Variants in ZNF808 observed in about 807,000 individuals in gnomAD.
ZNF808 encodes zinc finger protein 808.
Under a neutral mutation model 8.7 loss-of-function variants are expected in ZNF808, and 5 were observed. The observed-to-expected ratio is 0.58, with a 90% CI of 0.30 to 1.21. The LOEUF is 1.21. Ranked by LOEUF, ZNF808 falls within the 50% of genes most tolerant of loss-of-function variation. ZNF808 has a pLI of 0.07. For missense variants in ZNF808, 1,103 were observed against 1,098.4 expected, an observed-to-expected ratio of 1.00 and a Z score of -0.06; for synonymous variants, 380 against 366.0, an observed-to-expected ratio of 1.04 and a Z score of -0.44.
chr19:52,544,536 C>T (rs1333798808), intron 3 of ZNF808, among the ~76,000 whole-genome samples: 1 of 151,946 alleles, frequency 6.6e-6, no homozygotes, highest in Admixed American at 6.6e-5. Context: ...TCATCATGTT[C>T]GTTATGCTGA....
In ZNF808 at chr19:52,553,438, T is replaced by G; in HGVS notation, c.522T>G (p.Gly174=). The G allele has an allele frequency of 2.5e-6, 4 of 1,614,170 alleles. No individual in the cohort carries two copies. Among genetic ancestry groups the G allele is most frequent in the Non-Finnish European group, 3.4e-6 (4 of 1,180,026 alleles). The change falls in exon 5 of 5, where the codon GGT becomes GGG. Residue 174 remains glycine, a synonymous_variant. Coordinates refer to ENST00000359798, the MANE Select transcript of ZNF808 (RefSeq NM_001039886.4). ...AACTCCACATATTTCAGATCAAAGG[T>G]GAAATTGCTAATCAACTTGAGAAGT... ...LPELHIFQIK[G]EIANQLEKST...
chr19:52,537,706 G>T (rs1426564953), intron 2 of ZNF808, among the ~76,000 whole-genome samples: 1 of 151,780 alleles, frequency 6.6e-6, no homozygotes, highest in African/African-American at 2.4e-5. Flanking sequence ...AAAAAAAAGG[G>T]TGGGGGACTT....
intron 2 of ZNF808, among the ~76,000 whole-genome samples, chr19:52,535,477 G>T (rs1430848552): frequency 6.6e-6 from 1 of 152,150 alleles, no homozygotes; most frequent in Non-Finnish European, 1.5e-5. Context: ...GCTGCTTCCT[G>T]AGTAGCTGGG....
chr19:52,563,033 C>A (rs1446574315), intron 3 of ZNF808, among the ~76,000 whole-genome samples: 1 of 152,122 alleles, frequency 6.6e-6, no homozygotes, highest in African/African-American at 2.4e-5. Flanking sequence ...CTCTGCCCCC[C>A]AAAGTGCTGG....
chr19:52,535,643 A>G (rs879351590), intron 2 of ZNF808, among the ~76,000 whole-genome samples: 74 of 152,226 alleles, frequency 4.9e-4, no homozygotes, highest in Non-Finnish European at 8.4e-4. Context: ...TCCCTCCTGA[A>G]TGAATGGAGA....
chr19:52,554,272 G>A lies in ZNF808; in HGVS notation c.1356G>A (p.Glu452=). Reference sequence around the variant, plus strand: ...GACATAAGAGAATTCATACTGGAGAGAAACCATACAAATGTAAGGTTTGTG... The same window carrying A: ...GACATAAGAGAATTCATACTGGAGAAAAACCATACAAATGTAAGGTTTGTG... ...LERHKRIHTG[E]KPYKCKVCDT... Residue 452 remains glutamate (E), a synonymous_variant, in exon 5 of 5, where the codon GAG becomes GAA. Transcript: ENST00000359798. 6.2e-7 allele frequency: 1 copy of A among 1,614,142 alleles called. No individual in the cohort carries two copies. The highest frequency in any genetic ancestry group is 8.5e-7 in the Non-Finnish European group (1 of 1,180,016).
chr19:52,559,616 C>T (rs549317785), downstream of ZNF808, among the ~76,000 whole-genome samples: 8 of 152,266 alleles, frequency 5.3e-5, no homozygotes, highest in African/African-American at 1.9e-4. Flanking sequence ...TCCGTTCCAC[C>T]TGACGAGAAA....
chr19:52,555,316 C>G lies in ZNF808; in HGVS notation c.2400C>G (p.Phe800Leu). ...SYKCTVCDKA[F>L]VRNSYLARHI... ...AATGTACGGTTTGTGACAAGGCTTTCGTGCGTAATTCATACCTGGCAAGAC... is the reference window on the plus strand; with the variant it reads ...AATGTACGGTTTGTGACAAGGCTTTGGTGCGTAATTCATACCTGGCAAGAC... The change falls in exon 5 of 5, where the codon TTC (phenylalanine) becomes TTG (leucine). Residue 800 changes from phenylalanine to leucine, a missense_variant. Coordinates refer to ENST00000359798, the MANE Select transcript of ZNF808 (RefSeq NM_001039886.4). The G allele has an allele frequency of 1.2e-6, 2 of 1,614,164 alleles. No individual in the cohort carries two copies. The highest frequency in any genetic ancestry group is 2.2e-5 in the South Asian group (2 of 91,086).
chr19:52,533,376 G>A (rs528925741), intron 2 of ZNF808, among the ~76,000 whole-genome samples: 138 of 151,954 alleles, frequency 9.1e-4, no homozygotes, highest in Non-Finnish European at 1.6e-3. Context: ...ACAGGCACCC[G>A]CTATAATGCC....
chr19:52,530,800 C>T (rs1177853196), intron 1 of ZNF808, among the ~76,000 whole-genome samples: 1 of 151,990 alleles, frequency 6.6e-6, no homozygotes, highest in Non-Finnish European at 1.5e-5. Context: ...TGGTGAAACC[C>T]CGTCTCTACC....
chr19:52,543,649 T>A (rs2059693956), intron 3 of ZNF808, among the ~76,000 whole-genome samples: 1 of 152,188 alleles, frequency 6.6e-6, no homozygotes, highest in African/African-American at 2.4e-5. Flanking sequence ...ATGTCAGAGC[T>A]GCTGGGCAGC....
intron 2 of ZNF808, among the ~76,000 whole-genome samples, chr19:52,541,499 G>A (rs1312935345): frequency 6.6e-6 from 1 of 151,916 alleles, no homozygotes; most frequent in African/African-American, 2.4e-5. Context: ...TTGGTGAAAT[G>A]TCTCCCACTG....
chr19:52,533,623 A>G (rs2059579105), intron 2 of ZNF808, among the ~76,000 whole-genome samples: 1 of 151,638 alleles, frequency 6.6e-6, no homozygotes, highest in Non-Finnish European at 1.5e-5. Context: ...TTGGGAGGCC[A>G]AGGCGGGTCA....
intron 4 of ZNF808, among the ~76,000 whole-genome samples, chr19:52,549,915 A>G (rs1234905874): frequency 6.6e-6 from 1 of 152,150 alleles, no homozygotes; most frequent in Non-Finnish European, 1.5e-5. Context: ...GCAGGGCATC[A>G]TGACTCAGCA....
At chr19:52,567,566 C>T (rs112668788), downstream of ZNF808, among the ~76,000 whole-genome samples, 90 of 149,210 alleles carry the variant, frequency 6.0e-4, no homozygotes, top group African/African-American at 2.2e-3. Context: ...CTCTAGTTCC[C>T]TGGGCTGGAG....
At chr19:52,568,381 A>G (rs1360100939), downstream of ZNF808, among the ~76,000 whole-genome samples, 1 of 152,164 alleles carries the variant, frequency 6.6e-6, no homozygotes, top group East Asian at 1.9e-4. Context: ...CCCAAAACAA[A>G]ACAAAACAAA....
chr19:52,531,974 TAGA>T (rs1310090844), intron 1 of ZNF808, among the ~76,000 whole-genome samples: 2 of 152,206 alleles, frequency 1.3e-5, no homozygotes, highest in Non-Finnish European at 2.9e-5. Flanking sequence ...TGGTGGTAAG[TAGA>T]AGTTGTGGCT....
chr19:52,548,438 T>G (rs1297631194), intron 4 of ZNF808, among the ~76,000 whole-genome samples: 1 of 152,216 alleles, frequency 6.6e-6, no homozygotes, highest in Non-Finnish European at 1.5e-5. Flanking sequence ...TGTTGTTGTT[T>G]TTTTCTCATA....
chr19:52,535,118 T>G (rs2059593012), intron 2 of ZNF808, among the ~76,000 whole-genome samples: 1 of 150,466 alleles, frequency 6.6e-6, no homozygotes, highest in African/African-American at 2.4e-5. Context: ...GATCACAAGG[T>G]CAGGAGATCA....
Sources: gnomAD v4.1 joint callset for allele counts (sites outside exome capture counted in the v4.1 genomes callset) on GRCh38, gnomAD v4.1.1 for gene constraint, MANE v1.5 for transcripts, NCBI Gene and HGNC (gene_info 2026-07-23, HGNC 2026-07-21) for gene names.